Variants in C10orf67 observed in about 807,000 individuals in gnomAD.
C10orf67 encodes uncharacterized protein C10orf67, mitochondrial.
C10orf67 carries 60 observed loss-of-function variants against 35.6 expected under a neutral mutation model. The ratio of observed to expected loss-of-function variants is 1.68; its 90% confidence interval spans 1.37 to 2.09. C10orf67 has a LOEUF of 2.09. Ranked by LOEUF, C10orf67 falls within the 30% of genes most tolerant of loss-of-function variation. The pLI, the probability that C10orf67 is intolerant of heterozygous loss-of-function variation, is 0.00. For missense variants in C10orf67, 474 were observed against 330.2 expected, an observed-to-expected ratio of 1.44 and a Z score of -3.38; for synonymous variants, 167 against 115.8, an observed-to-expected ratio of 1.44 and a Z score of -2.84.
intron 2 of C10orf67, among the ~76,000 whole-genome samples, chr10:23,332,103 G>A (rs143047241): frequency 3.9e-5 from 6 of 152,298 alleles, no homozygotes; most frequent in African/African-American, 1.2e-4. Context: ...ACTGGCATAT[G>A]AGTATGTGCA....
rs1564480144 is a variant in C10orf67 at position 23,267,238 on chromosome 10, T to TGTTTC, written c.991_992insGAAAC (p.Glu331GlyfsTer7). The TGTTTC allele has an allele frequency of 7.0e-6, 5 of 715,752 alleles. No homozygotes were observed. The allele number at this position is 715,752 out of a possible 1,614,324, so 44.3% of individuals were successfully genotyped here. ...ATACTTTTTTCTCATTTCCTTGTCC[T>TGTTTC]CTTTCTGTTTATTAATCTGTAAAAT... On this transcript the variant is annotated frameshift_variant, in exon 9 of 16. Coordinates refer to ENST00000636213, the MANE Select transcript of C10orf67 (RefSeq NM_001371909.1). LOFTEE classifies it high-confidence loss of function.
chr10:23,214,060 A>G (rs1475243973), intron 15 of C10orf67, among the ~76,000 whole-genome samples: 1 of 152,094 alleles, frequency 6.6e-6, no homozygotes, highest in East Asian at 1.9e-4. Context: ...GATATAAGAT[A>G]CAATAGAATT....
chr10:23,238,863 G>C (rs1842109045), intron 13 of C10orf67, among the ~76,000 whole-genome samples: 1 of 151,966 alleles, frequency 6.6e-6, no homozygotes, highest in Non-Finnish European at 1.5e-5. Flanking sequence ...TCCTCAGCAA[G>C]GTTACTATAT....
intron 5 of C10orf67, among the ~76,000 whole-genome samples, chr10:23,292,313 C>G (rs547038347): frequency 1.3e-5 from 2 of 150,356 alleles, no homozygotes; most frequent in Admixed American, 1.3e-4. Flanking sequence ...TGGTGCAGAA[C>G]TTTATACTTT....
chr10:23,321,084 C>G (rs1243845490), intron 3 of C10orf67, among the ~76,000 whole-genome samples: 2 of 152,190 alleles, frequency 1.3e-5, no homozygotes, highest in Non-Finnish European at 2.9e-5. Flanking sequence ...TGAGTAAAGT[C>G]TTTCAGTGCC....
At chr10:23,274,337 C>T (rs1843118259) in intron 8 of C10orf67, among the ~76,000 whole-genome samples, 1 of 152,150 alleles carries the variant, frequency 6.6e-6, no homozygotes, top group Admixed American at 6.6e-5. Flanking sequence ...TTTCCCAATC[C>T]TAGTAAGCCT....
At chr10:23,226,871 C>T (rs977929900) in intron 13 of C10orf67, among the ~76,000 whole-genome samples, 1 of 152,106 alleles carries the variant, frequency 6.6e-6, no homozygotes, top group African/African-American at 2.4e-5. Flanking sequence ...ACACATACAC[C>T]TTCCCAAGAC....
At chr10:23,228,664 G>C (rs1255846895) in intron 13 of C10orf67, among the ~76,000 whole-genome samples, 2 of 152,000 alleles carry the variant, frequency 1.3e-5, no homozygotes, top group African/African-American at 4.8e-5. Context: ...CCACAAAATG[G>C]GAGAAAATTT....
At chr10:23,333,905 C>T (rs1460609787) in intron 1 of C10orf67, among the ~76,000 whole-genome samples, 1 of 152,076 alleles carries the variant, frequency 6.6e-6, no homozygotes, top group African/African-American at 2.4e-5. Context: ...GTTGAGGCTG[C>T]AGTGAGCTAT....
At chr10:23,298,363 G>C (rs1047000229) in intron 5 of C10orf67, among the ~76,000 whole-genome samples, 2 of 152,228 alleles carry the variant, frequency 1.3e-5, no homozygotes, top group Non-Finnish European at 1.5e-5. Flanking sequence ...CCTCAGACCT[G>C]TGTGAGGACT....
intron 1 of C10orf67, among the ~76,000 whole-genome samples, chr10:23,339,185 A>ATGAC (rs1295389811): frequency 2.0e-5 from 3 of 152,160 alleles, no homozygotes; most frequent in African/African-American, 7.2e-5. Context: ...GATGACACTG[A>ATGAC]TGACTGGTCA....
At chr10:23,331,662 A>AGGAAAGGGAAAAG (rs1845493034) in intron 2 of C10orf67, among the ~76,000 whole-genome samples, 1 of 140,318 alleles carries the variant, frequency 7.1e-6, no homozygotes, top group Non-Finnish European at 1.6e-5. Flanking sequence ...GGAAGGGGAA[A>AGGAAAGGGAAAAG]GGAAAGGGAA....
chr10:23,264,235 G>C (rs1842828620), intron 10 of C10orf67, among the ~76,000 whole-genome samples: 1 of 152,104 alleles, frequency 6.6e-6, no homozygotes. Flanking sequence ...CAGTGGAAGG[G>C]GATAGAAGGG....
At chr10:23,262,951 A>G (rs1219671337) in intron 10 of C10orf67, among the ~76,000 whole-genome samples, 2 of 152,250 alleles carry the variant, frequency 1.3e-5, no homozygotes, top group Non-Finnish European at 2.9e-5. Flanking sequence ...TTTTAGGGTT[A>G]TCCATATTAT....
intron 15 of C10orf67, among the ~76,000 whole-genome samples, chr10:23,220,582 AAAT>A (rs1279859242): frequency 8.5e-5 from 13 of 152,160 alleles, no homozygotes; most frequent in African/African-American, 3.1e-4. Context: ...GGGCAGGTGA[AAAT>A]AATTGAGTGG....
At chr10:23,321,808 C>T (rs1047346480) in intron 3 of C10orf67, among the ~76,000 whole-genome samples, 4 of 151,902 alleles carry the variant, frequency 2.6e-5, no homozygotes, top group Non-Finnish European at 4.4e-5. Flanking sequence ...TTTTCTGAGA[C>T]GGGGGTCTCG....
rs192043246 is a variant in C10orf67 at position 23,208,193 on chromosome 10, T to C, written c.1571-3938A>G. Among the ~76,000 whole-genome samples the C allele has an allele frequency of 2.9e-3, 441 of 152,310 alleles. 3 individuals are homozygous for C. The highest frequency in any genetic ancestry group is 0.01 in the African/African-American group (426 of 41,564). On this transcript the variant is annotated intron_variant, in intron 15 of 15. Transcript: ENST00000636213. ...AGGTGAACAATTTGGAGCCTAAGGA[T>C]TGAAATGTTAAATGCTCTCGTAACT...
rs149143431 is a variant in C10orf67 at position 23,214,704 on chromosome 10, A to T, written c.1570+8894T>A. Among the ~76,000 whole-genome samples the T allele has an allele frequency of 4.2e-3, 634 of 152,272 alleles. 9 individuals are homozygous for T. Among genetic ancestry groups the T allele is most frequent in the African/African-American group, 0.014 (598 of 41,562 alleles). On this transcript the variant is annotated intron_variant, in intron 15 of 15. Transcript: ENST00000636213. ...TAACACTTTGACAGGATTAAGAACA[A>T]ACAAACGGTAAATATATAAAACAAC...
intron 10 of C10orf67, among the ~76,000 whole-genome samples, chr10:23,252,054 G>C (rs1381734595): frequency 6.6e-6 from 1 of 152,086 alleles, no homozygotes; most frequent in African/African-American, 2.4e-5. Context: ...TTTTATTATA[G>C]TGTTGCTTCC....
Sources: allele counts gnomAD v4.1 joint callset (sites outside exome capture counted in the v4.1 genomes callset), GRCh38; gene constraint gnomAD v4.1.1; transcripts MANE v1.5; gene names NCBI Gene and HGNC (gene_info 2026-07-23, HGNC 2026-07-21).